The following TNIK variants were observed in gnomAD, a reference collection of about 807,000 sequenced individuals.
The protein encoded by TNIK is TRAF2 and NCK-interacting protein kinase.
TNIK carries 49 observed loss-of-function variants against 191.3 expected under a neutral mutation model. That is an observed-to-expected ratio of 0.26 (90% CI 0.20 to 0.32). TNIK has a LOEUF of 0.32. Ranked by LOEUF, TNIK falls within the 10% of genes least tolerant of loss-of-function variation. The pLI is 1.00. For synonymous variants in TNIK, 594 were observed against 600.9 expected, an observed-to-expected ratio of 0.99 and a Z score of 0.17; for missense variants, 1,155 against 1,702.3, an observed-to-expected ratio of 0.68 and a Z score of 5.66.
chr3:171,344,556 G>A (rs1038601612), intron 2 of TNIK, among the ~76,000 whole-genome samples: 4 of 152,034 alleles, frequency 2.6e-5, no homozygotes, highest in East Asian at 1.9e-4. Context: ...CCTTATTTCT[G>A]CTAAGTATTA....
Position 171,209,176 on chromosome 3 carries a change from T to TA in TNIK, c.306+1939dup, listed in dbSNP as rs113954271. Among the ~76,000 whole-genome samples, 79 of 150,688 alleles carry TA rather than the reference T, an allele frequency of 5.2e-4. 1 individual carries two copies. Among genetic ancestry groups the TA allele is most frequent in the African/African-American group, 1.6e-3 (65 of 41,098 alleles). Reference sequence around the variant, plus strand: ...GAGTGTCCATTCTAGACATTATAATTAAAAAAAAATCTTTGACAGCCTACT... The same window carrying TA: ...GAGTGTCCATTCTAGACATTATAATTAAAAAAAAAATCTTTGACAGCCTACT... On this transcript the variant is annotated intron_variant, in intron 4 of 32. Transcript: ENST00000436636.
At chr3:171,112,892 C>T (rs1172487530) in intron 18 of TNIK, among the ~76,000 whole-genome samples, 1 of 152,044 alleles carries the variant, frequency 6.6e-6, no homozygotes, top group South Asian at 2.1e-4. Context: ...AACAGTGAAA[C>T]AATAATCTCC....
At position 171,285,186 on chromosome 3, in the gene TNIK, T is replaced by G. The variant is rs146755057; in HGVS notation, c.124-56965A>C. Among the ~76,000 whole-genome samples, 361 of 152,356 alleles carry G rather than the reference T, an allele frequency of 2.4e-3. 1 individual carries two copies. Among genetic ancestry groups the G allele is most frequent in the African/African-American group, 7.7e-3 (319 of 41,574 alleles). On this transcript the variant is annotated intron_variant, in intron 2 of 32. Transcript: ENST00000436636. ...GACAGGAATCATCTGTCTTCATTCA[T>G]AAAATTCAAGCTGATAATTTTTTGA... is the stretch of plus-strand genomic sequence containing the variant.
chr3:171,228,296 A>C, intron 2 of TNIK, 75 bp from the exon 3 acceptor site: 2 of 1,566,668 alleles, frequency 1.3e-6, no homozygotes, highest in Admixed American at 3.4e-5. Context: ...CAATAAAGAA[A>C]AATTGCTTGG....
chr3:171,343,638 A>T (rs1241619961), intron 2 of TNIK, among the ~76,000 whole-genome samples: 1 of 152,204 alleles, frequency 6.6e-6, no homozygotes, highest in Non-Finnish European at 1.5e-5. Flanking sequence ...GTGAATGGGC[A>T]TTGAGACTAA....
chr3:171,251,465 C>T (rs1445931184), intron 2 of TNIK, among the ~76,000 whole-genome samples: 2 of 152,166 alleles, frequency 1.3e-5, no homozygotes, highest in Non-Finnish European at 2.9e-5. Flanking sequence ...ATCAACCTTC[C>T]TGCCACAGTC....
intron 2 of TNIK, among the ~76,000 whole-genome samples, chr3:171,264,109 C>CATATAT (rs1394884676): frequency 3.5e-5 from 2 of 57,782 alleles, no homozygotes; most frequent in Non-Finnish European, 6.8e-5. Flanking sequence ...CACACACACA[C>CATATAT]ACATATATAT....
chr3:171,332,961 G>A (rs1302586247), intron 2 of TNIK, among the ~76,000 whole-genome samples: 2 of 152,130 alleles, frequency 1.3e-5, no homozygotes, highest in Non-Finnish European at 2.9e-5. Flanking sequence ...ATGGGACTAG[G>A]GGGTGGAAAT....
chr3:171,153,820 C>A lies in TNIK; in HGVS notation c.1221+3640G>T, dbSNP rs558029826. Among the ~76,000 whole-genome samples the A allele has an allele frequency of 6.6e-5, 10 of 152,306 alleles. No homozygotes were observed. In the South Asian group the frequency reaches 2.1e-3, roughly 32 times the overall value. On this transcript the variant is annotated intron_variant, in intron 12 of 32. Transcript: ENST00000436636. Reference sequence around the variant, plus strand: ...CTCCCTCCTGTAGCGGGACTCTGACCAAGCCAGGTGAGGCTCCCACCCTGT... The same window carrying A: ...CTCCCTCCTGTAGCGGGACTCTGACAAAGCCAGGTGAGGCTCCCACCCTGT...
chr3:171,207,943 C>T (rs2108897730), intron 4 of TNIK, among the ~76,000 whole-genome samples: 1 of 152,296 alleles, frequency 6.6e-6, no homozygotes, highest in East Asian at 1.9e-4. Flanking sequence ...AATCCTTGCC[C>T]TCAGAGAGCA....
At chr3:171,248,759 A>C (rs904852643) in intron 2 of TNIK, among the ~76,000 whole-genome samples, 2 of 152,242 alleles carry the variant, frequency 1.3e-5, no homozygotes, top group Non-Finnish European at 2.9e-5. Flanking sequence ...CAATATAACT[A>C]TAGTATCAAT....
At chr3:171,395,018 A>C (rs900754022) in intron 1 of TNIK, among the ~76,000 whole-genome samples, 3 of 152,226 alleles carry the variant, frequency 2.0e-5, no homozygotes, top group African/African-American at 7.2e-5. Flanking sequence ...TGCTCTCTGC[A>C]TTATAAACTA....
In TNIK at chr3:171,422,504, T is replaced by A. The variant is rs528583985; in HGVS notation, c.57+37503A>T. Among the ~76,000 whole-genome samples the A allele has an allele frequency of 2.0e-5, 3 of 152,332 alleles. No individual in the cohort carries two copies. The East Asian group carries it at 5.8e-4, about 29-fold the overall frequency. ...TCAGTTTTAACTCAATTTATTAATT[T>A]TATTTTTTAAACTCTACTTTCTCAA... On this transcript the variant is annotated intron_variant, in intron 1 of 32. Transcript: ENST00000436636.
At chr3:171,256,447 A>G (rs1746882692) in intron 2 of TNIK, among the ~76,000 whole-genome samples, 1 of 152,232 alleles carries the variant, frequency 6.6e-6, no homozygotes, top group African/African-American at 2.4e-5. Flanking sequence ...CAATCTTCTT[A>G]ACCAAACGAG....
At chr3:171,401,498 G>A (rs111393096) in intron 1 of TNIK, among the ~76,000 whole-genome samples, 2 of 152,092 alleles carry the variant, frequency 1.3e-5, no homozygotes, top group Non-Finnish European at 2.9e-5. Flanking sequence ...AGGAAACTGA[G>A]GAAGGAGAGG....
At chr3:171,345,609 AC>A (rs1183810000) in intron 2 of TNIK, among the ~76,000 whole-genome samples, 1 of 152,066 alleles carries the variant, frequency 6.6e-6, no homozygotes, top group East Asian at 1.9e-4. Context: ...CTTCACCCTC[AC>A]CCTCAAGCCT....
intron 2 of TNIK, among the ~76,000 whole-genome samples, chr3:171,250,684 T>G (rs1011529229): frequency 2.6e-5 from 4 of 152,200 alleles, no homozygotes; most frequent in African/African-American, 9.7e-5. Flanking sequence ...CATGAGGAAA[T>G]CATTCAGATC....
chr3:171,337,086 G>C (rs933274111), intron 2 of TNIK, among the ~76,000 whole-genome samples: 6 of 152,184 alleles, frequency 3.9e-5, no homozygotes, highest in Admixed American at 2.6e-4. Context: ...CCACCCCAGA[G>C]CACTTTGTGC....
chr3:171,080,577 C>G (rs1289242314), intron 27 of TNIK, among the ~76,000 whole-genome samples: 1 of 152,046 alleles, frequency 6.6e-6, no homozygotes, highest in Non-Finnish European at 1.5e-5. Context: ...GCTAGGATTA[C>G]AGGTGCCGCT....
Sources: allele counts gnomAD v4.1 joint callset (sites outside exome capture counted in the v4.1 genomes callset), GRCh38; gene constraint gnomAD v4.1.1; transcripts MANE v1.5; gene names NCBI Gene and HGNC (gene_info 2026-07-23, HGNC 2026-07-21).